Variants in CLYBL observed in about 807,000 individuals in gnomAD.
CLYBL encodes the protein citramalyl-CoA lyase, mitochondrial.
A neutral mutation model predicts 38.9 loss-of-function variants in CLYBL; 31 were observed. The observed-to-expected ratio is 0.80, with a 90% confidence interval of 0.60 to 1.08. The LOEUF (loss-of-function observed/expected upper bound fraction) is 1.08. Ranked by LOEUF, CLYBL falls within the 50% of genes least tolerant of loss-of-function variation. The pLI, the probability that CLYBL is intolerant of heterozygous loss-of-function variation, is 0.00. For synonymous variants in CLYBL, 171 were observed against 158.6 expected (o/e 1.08, Z -0.59); for missense variants, 434 against 411.6 (o/e 1.05, Z -0.47).
intron 1 of CLYBL, among the ~76,000 whole-genome samples, chr13:99,725,624 CTTAG>C (rs1234091663): frequency 6.6e-6 from 1 of 152,128 alleles, no homozygotes; most frequent in Non-Finnish European, 1.5e-5. Flanking sequence ...ATCTAAAATG[CTTAG>C]TTAAACTGAG....
chr13:99,697,784 G>C (rs1274910690), intron 1 of CLYBL, among the ~76,000 whole-genome samples: 1 of 139,702 alleles, frequency 7.2e-6, no homozygotes, highest in African/African-American at 2.7e-5. Flanking sequence ...GCAGCTGGGA[G>C]TACAGGCACC....
intron 1 of CLYBL, among the ~76,000 whole-genome samples, chr13:99,719,594 C>G (rs781260059): frequency 2.0e-4 from 31 of 152,112 alleles, no homozygotes; most frequent in Non-Finnish European, 3.7e-4. Context: ...GCAACCTCCA[C>G]CTCCTGGGTT....
chr13:99,709,071 C>T (rs1315088642), intron 1 of CLYBL, among the ~76,000 whole-genome samples: 3 of 151,096 alleles, frequency 2.0e-5, no homozygotes, highest in East Asian at 1.9e-4. Context: ...CCAGCCTGGG[C>T]GGCAGAGCGA....
chr13:99,801,673 G>A (rs568421738), intron 2 of CLYBL, among the ~76,000 whole-genome samples: 30 of 152,126 alleles, frequency 2.0e-4, no homozygotes, highest in African/African-American at 3.9e-4. Context: ...CACTTTCTGC[G>A]TATGCTAAGG....
chr13:99,608,061 C>A (rs1401887912), intron 1 of CLYBL, among the ~76,000 whole-genome samples: 2 of 75,044 alleles, frequency 2.7e-5, no homozygotes, highest in South Asian at 7.0e-4. Context: ...TCTGGAACTT[C>A]TTTTTTTTTT....
chr13:99,697,349 T>C (rs567741921), intron 1 of CLYBL, among the ~76,000 whole-genome samples: 1 of 152,356 alleles, frequency 6.6e-6, no homozygotes, highest in African/African-American at 2.4e-5. Context: ...GTGCTGATGT[T>C]GGCTCTGCTT....
At chr13:99,853,181 G>A (rs568016402) in intron 2 of CLYBL, among the ~76,000 whole-genome samples, 4 of 151,950 alleles carry the variant, frequency 2.6e-5, no homozygotes, top group African/African-American at 9.6e-5. Context: ...CTTTTCATAG[G>A]TTTATTGTGT....
At chr13:99,766,187 T>C (rs1007056499) in intron 1 of CLYBL, among the ~76,000 whole-genome samples, 2 of 151,524 alleles carry the variant, frequency 1.3e-5, no homozygotes, top group Non-Finnish European at 2.9e-5. Context: ...CTGTATCTTG[T>C]AGGCAATCTT....
intron 1 of CLYBL, chr13:99,690,071 G>C (rs2047877259): frequency 6.6e-6 from 1 of 152,184 alleles, no homozygotes; most frequent in Admixed American, 6.5e-5. Flanking sequence ...ACATTGTTTT[G>C]TTAAGTAGCA....
rs139681943 is a variant in CLYBL at position 99,705,349 on chromosome 13, G to A, written c.63-67475G>A. On this transcript the variant is annotated intron_variant, in intron 1 of 8. Transcript: ENST00000339105. ...TAATCCCAGCACTTTGGGAGGCTAC[G>A]GTGGGCGGATCACCTGAGGTCAGGA... is the stretch of plus-strand genomic sequence containing the variant. Among the ~76,000 whole-genome samples the A allele has an allele frequency of 2.0e-3, 298 of 152,236 alleles. 1 individual carries two copies. Among genetic ancestry groups the A allele is most frequent in the African/African-American group, 6.8e-3 (281 of 41,542 alleles).
chr13:99,882,866 C>T (rs1327354113), intron 7 of CLYBL, among the ~76,000 whole-genome samples: 1 of 151,768 alleles, frequency 6.6e-6, no homozygotes, highest in African/African-American at 2.4e-5. Flanking sequence ...CTCAAGGAAA[C>T]TGACATCCTT....
In CLYBL at chr13:99,673,422, A is replaced by AAG. The variant is rs1159806334; in HGVS notation, c.62+66666_62+66667insGA. On this transcript the variant is annotated intron_variant, in intron 1 of 8. Coordinates refer to ENST00000339105, the MANE Select transcript of CLYBL (RefSeq NM_206808.5). ...AGCGAGACTCCGTCTCAAAAAAAAA[A>AAG]AAAGAAATGGTGCGACAGGGGCAAA... Among the ~76,000 whole-genome samples the AAG allele has an allele frequency of 3.3e-5, 5 of 151,888 alleles. No homozygotes were observed. In the East Asian group the frequency reaches 7.7e-4, roughly 23 times the overall value.
At chr13:99,707,106 T>C (rs2139477970) in intron 1 of CLYBL, among the ~76,000 whole-genome samples, 1 of 152,304 alleles carries the variant, frequency 6.6e-6, no homozygotes, top group Non-Finnish European at 1.5e-5. Context: ...TGGAATGACT[T>C]TCACAGAGTG....
At chr13:99,740,007 T>G (rs2139596936) in intron 1 of CLYBL, among the ~76,000 whole-genome samples, 1 of 152,170 alleles carries the variant, frequency 6.6e-6, no homozygotes, top group Non-Finnish European at 1.5e-5. Flanking sequence ...AAAACTGTAT[T>G]TGTAAAAACC....
At chr13:99,767,972 C>T (rs148575433) in intron 1 of CLYBL, among the ~76,000 whole-genome samples, 1 of 152,124 alleles carries the variant, frequency 6.6e-6, no homozygotes, top group African/African-American at 2.4e-5. Flanking sequence ...CTTCCTTTGA[C>T]TGGGCCATAT....
At chr13:99,862,858 A>G (rs939151583) in intron 3 of CLYBL, 133 bp from the exon 4 acceptor site, 2 of 433,174 alleles carry the variant, frequency 4.6e-6, no homozygotes, top group South Asian at 5.8e-5. Context: ...TTTTAAAAAA[A>G]TTCTTTTGTG....
At position 99,719,000 on chromosome 13, in the gene CLYBL, G is replaced by A. The variant is rs1022786008; in HGVS notation, c.63-53824G>A. 3.3e-5 allele frequency among the ~76,000 whole-genome samples: 5 copies of A among 151,592 alleles called. No homozygotes were observed. In the East Asian group the frequency reaches 5.8e-4, roughly 18 times the overall value. On this transcript the variant is annotated intron_variant, in intron 1 of 8. Transcript: ENST00000339105. ...TGGGATTACAGGCATGCACCACCAC[G>A]CCTGGCTTATTTTGTATTTTTAGTA...
At chr13:99,800,070 G>A (rs1211190339) in intron 2 of CLYBL, among the ~76,000 whole-genome samples, 1 of 152,226 alleles carries the variant, frequency 6.6e-6, no homozygotes, top group Non-Finnish European at 1.5e-5. Context: ...ATGACTGCAT[G>A]TAGAAGAACG....
At chr13:99,900,679 A>T (rs1041404040), downstream of CLYBL, among the ~76,000 whole-genome samples, 1 of 152,038 alleles carries the variant, frequency 6.6e-6, no homozygotes, top group Non-Finnish European at 1.5e-5. Flanking sequence ...CCACTAAACC[A>T]CACAGCTTCC....
Sources: allele counts gnomAD v4.1 joint callset (sites outside exome capture counted in the v4.1 genomes callset), GRCh38; gene constraint gnomAD v4.1.1; transcripts MANE v1.5; gene names NCBI Gene and HGNC (gene_info 2026-07-23, HGNC 2026-07-21).